The following TAF2 variants were observed in gnomAD, a reference collection of about 807,000 sequenced individuals.
TAF2 encodes the protein transcription initiation factor TFIID subunit 2.
TAF2 carries 61 observed loss-of-function variants against 138.5 expected under a neutral mutation model. The ratio of observed to expected loss-of-function variants is 0.44; its 90% CI spans 0.36 to 0.54. TAF2 has a LOEUF of 0.54. Ranked by LOEUF, TAF2 falls within the 20% of genes least tolerant of loss-of-function variation. The pLI, the probability that TAF2 is intolerant of heterozygous loss-of-function variation, is 0.00. For missense variants in TAF2, 1,090 were observed against 1,427.9 expected, an observed-to-expected ratio of 0.76 and a Z score of 3.81; for synonymous variants, 475 against 469.9, an observed-to-expected ratio of 1.01 and a Z score of -0.14.
intron 24 of TAF2, among the ~76,000 whole-genome samples, chr8:119,743,053 A>C (rs1250475161): frequency 6.6e-6 from 1 of 152,002 alleles, no homozygotes; most frequent in Non-Finnish European, 1.5e-5. Context: ...TGGGAAACAG[A>C]GTGAGACTCC....
At chr8:119,733,014 G>A (rs926821463) in intron 25 of TAF2, among the ~76,000 whole-genome samples, 14 of 152,024 alleles carry the variant, frequency 9.2e-5, no homozygotes, top group African/African-American at 2.2e-4. Flanking sequence ...AGATTTGAAG[G>A]ATGCAAAACC....
chr8:119,746,091 G>C (rs1819945441), intron 23 of TAF2, among the ~76,000 whole-genome samples: 2 of 152,120 alleles, frequency 1.3e-5, no homozygotes, highest in African/African-American at 4.8e-5. Flanking sequence ...TAAATATTCA[G>C]CTGGGTGTGG....
intron 3 of TAF2, among the ~76,000 whole-genome samples, chr8:119,811,903 T>C (rs993857732): frequency 6.6e-6 from 1 of 151,808 alleles, no homozygotes; most frequent in African/African-American, 2.4e-5. Context: ...CAGGTTTTCC[T>C]ATGAAAAAGC....
chr8:119,785,324 T>G (rs1010916406), intron 14 of TAF2, 58 bp from the exon 15 acceptor site: 2 of 1,175,944 alleles, frequency 1.7e-6, no homozygotes, highest in Non-Finnish European at 2.5e-6. Context: ...TGAATGGACA[T>G]TAACAGCAGC....
chr8:119,746,159 G>A (rs1819951149), intron 23 of TAF2, among the ~76,000 whole-genome samples: 1 of 151,884 alleles, frequency 6.6e-6, no homozygotes, highest in Non-Finnish European at 1.5e-5. Flanking sequence ...ATCACCTGAG[G>A]TCAGGTGTTT....
chr8:119,761,010 G>T (rs996037264), intron 19 of TAF2, among the ~76,000 whole-genome samples: 2 of 152,120 alleles, frequency 1.3e-5, no homozygotes, highest in Non-Finnish European at 2.9e-5. Flanking sequence ...AGTCCACAGT[G>T]TTTATTATGT....
At chr8:119,746,233 C>T (rs1819956167) in intron 23 of TAF2, among the ~76,000 whole-genome samples, 1 of 151,778 alleles carries the variant, frequency 6.6e-6, no homozygotes, top group African/African-American at 2.4e-5. Flanking sequence ...ATTAGCCAGG[C>T]ATGGTGGCAG....
chr8:119,784,625 T>C (rs1264101425), intron 15 of TAF2, among the ~76,000 whole-genome samples: 1 of 152,166 alleles, frequency 6.6e-6, no homozygotes. Flanking sequence ...AGGTACAGAA[T>C]GGGCAAAATT....
At chr8:119,744,649 T>C in intron 23 of TAF2, 1 of 493,610 alleles carries the variant, frequency 2.0e-6, no homozygotes, top group Non-Finnish European at 3.7e-6. Context: ...TGAGAAAAAG[T>C]AGTGAGTTGT....
rs397795248 is a variant in TAF2, at chr8:119,814,737, CAAAAAAA to C, written c.299+4602_299+4608del. Among the ~76,000 whole-genome samples, 120 of 86,482 alleles carry C rather than the reference CAAAAAAA, an allele frequency of 1.4e-3. 1 individual carries two copies. The highest frequency in any genetic ancestry group is 5.7e-3 in the African/African-American group (116 of 20,242). The allele number at this position is 86,482 out of a possible 152,430, so 56.7% of individuals were successfully genotyped here. A position where few individuals can be genotyped will look rare whatever the true frequency, so the allele number is the denominator to read the frequency against. On this transcript the variant is annotated intron_variant, in intron 3 of 25. Coordinates refer to ENST00000378164, the MANE Select transcript of TAF2 (RefSeq NM_003184.4). Reference sequence around the variant, plus strand: ...TGAAACCCTGTCTCTACCAAAAATACAAAAAAAAAAAAAAAAAAAAAATTAGCCGGGT... The same window carrying C: ...TGAAACCCTGTCTCTACCAAAAATACAAAAAAAAAAAAAAATTAGCCGGGT...
chr8:119,789,996 T>C (rs545082457), intron 11 of TAF2, among the ~76,000 whole-genome samples: 5 of 152,056 alleles, frequency 3.3e-5, no homozygotes, highest in Non-Finnish European at 7.4e-5. Context: ...TTAAGAATTA[T>C]AGTAAGAATA....
At chr8:119,817,141 A>G (rs1317730689) in intron 3 of TAF2, among the ~76,000 whole-genome samples, 3 of 152,230 alleles carry the variant, frequency 2.0e-5, no homozygotes, top group Non-Finnish European at 4.4e-5. Context: ...AACTTTAAAT[A>G]CATTCCATCT....
intron 24 of TAF2, among the ~76,000 whole-genome samples, chr8:119,743,244 C>T (rs1011969518): frequency 6.6e-6 from 1 of 150,772 alleles, no homozygotes; most frequent in African/African-American, 2.4e-5. Flanking sequence ...AGAAACATAA[C>T]GCTAAGTGAA....
At chr8:119,768,417 G>C (rs1007504416) in intron 18 of TAF2, among the ~76,000 whole-genome samples, 3 of 152,070 alleles carry the variant, frequency 2.0e-5, no homozygotes, top group African/African-American at 7.2e-5. Context: ...TTGTTAATGT[G>C]TTCTTAACCC....
intron 22 of TAF2, 55 bp from the exon 23 acceptor site, chr8:119,746,989 T>C (rs1449843877): frequency 1.4e-5 from 21 of 1,554,524 alleles, no homozygotes; most frequent in Non-Finnish European, 1.8e-5. Flanking sequence ...TCATACATTT[T>C]AACTGTCCCA....
chr8:119,737,511 C>CTTTTTCT (rs1819300859), intron 25 of TAF2, among the ~76,000 whole-genome samples: 1 of 137,356 alleles, frequency 7.3e-6, no homozygotes, highest in Admixed American at 7.5e-5. Context: ...TTTTCTTTTT[C>CTTTTTCT]TTTTTTTTTT....
intron 6 of TAF2, 74 bp from the exon 7 acceptor site, chr8:119,797,920 C>A: frequency 7.5e-7 from 1 of 1,325,602 alleles, no homozygotes. Context: ...CTAAACACCT[C>A]AACTATAAAT....
intron 24 of TAF2, 40 bp downstream of exon 24, chr8:119,744,248 T>C (rs190367498): frequency 1.3e-6 from 2 of 1,530,444 alleles, no homozygotes; most frequent in African/African-American, 1.4e-5. Flanking sequence ...CATCAACCAA[T>C]GTCTCCATCT....
At chr8:119,744,522 T>C in intron 23 of TAF2, 129 bp from the exon 24 acceptor site, 3 of 785,646 alleles carry the variant, frequency 3.8e-6, no homozygotes, top group Non-Finnish European at 6.4e-6. Context: ...AAATAAAAAG[T>C]AGTTTCTTTC....
Sources: allele counts gnomAD v4.1 joint callset (sites outside exome capture counted in the v4.1 genomes callset), GRCh38; gene constraint gnomAD v4.1.1; transcripts MANE v1.5; gene names NCBI Gene and HGNC (gene_info 2026-07-23, HGNC 2026-07-21).